The following MOSMO variants were observed in gnomAD, a reference collection of about 807,000 sequenced individuals.
The protein encoded by MOSMO is modulator of smoothened, also known as modulator of smoothened protein.
A neutral mutation model predicts 18.4 loss-of-function variants in MOSMO; 5 were observed. The observed-to-expected ratio is 0.27, with a 90% CI of 0.14 to 0.57. The LOEUF (loss-of-function observed/expected upper bound fraction) is 0.57, where lower values mean the gene tolerates loss of function less well. Ranked by LOEUF, MOSMO falls within the 20% of genes least tolerant of loss-of-function variation. The probability of loss-of-function intolerance (pLI) is 0.92; values close to 1 mark genes in which losing one functional copy is unlikely to be tolerated. For missense variants in MOSMO, 138 were observed against 211.8 expected (o/e 0.65, Z 2.16); for synonymous variants, 82 against 82.3 (o/e 1.00, Z 0.02).
rs1299333469 is a variant in MOSMO at position 22,043,011 on chromosome 16, GGGATA to G, written c.107-32475_107-32471del. Among the ~76,000 whole-genome samples, 151 of 152,246 alleles carry G rather than the reference GGGATA, an allele frequency of 9.9e-4. 3 individuals are homozygous for G. In the East Asian group the frequency reaches 0.026, roughly 26 times the overall value. ...CTTTTTATATCATGCTGCATTTGGT[GGGATA>G]CTGTCCAGCCACTTTTATTTTTATG... On this transcript the variant is annotated intron_variant, in intron 1 of 2. Transcript: ENST00000542527.
rs1901066666 is a variant in MOSMO at position 22,080,931 on chromosome 16, T to A, written c.*51T>A. The A allele has an allele frequency of 3.0e-6, 3 of 989,730 alleles. No homozygotes were observed. Among genetic ancestry groups the A allele is most frequent in the East Asian group, 3.1e-5 (1 of 31,866 alleles). The allele number at this position is 989,730 out of a possible 1,614,324, so 61.3% of individuals were successfully genotyped here. ...ATTATTTTTTATTTTATTTTATTTT[T>A]TTATTTTTGGAGGGTGGAGAGGACA... On this transcript the variant is annotated 3_prime_UTR_variant, in exon 3 of 3. Transcript: ENST00000542527.
chr16:22,048,957 T>C (rs1567508338), intron 1 of MOSMO, among the ~76,000 whole-genome samples: 1 of 152,168 alleles, frequency 6.6e-6, no homozygotes, highest in Admixed American at 6.6e-5. Context: ...CTAGCCCTTT[T>C]TCTCCCCTGA....
chr16:22,061,680 A>C (rs1900647998), intron 1 of MOSMO, among the ~76,000 whole-genome samples: 1 of 152,240 alleles, frequency 6.6e-6, no homozygotes, highest in African/African-American at 2.4e-5. Flanking sequence ...AGACTTGGAC[A>C]GAAAAGTCAG....
At chr16:22,075,963 C>T in intron 2 of MOSMO, 1 of 355,780 alleles carries the variant, frequency 2.8e-6, no homozygotes, top group Non-Finnish European at 5.4e-6. Flanking sequence ...CATAAGTGTT[C>T]CAGGTTTGTG....
intron 1 of MOSMO, among the ~76,000 whole-genome samples, chr16:22,022,664 G>GA (rs1410000878): frequency 1.3e-5 from 2 of 152,114 alleles, no homozygotes; most frequent in East Asian, 3.8e-4. Context: ...ATCATGGACT[G>GA]AATGCACCCC....
intron 1 of MOSMO, among the ~76,000 whole-genome samples, chr16:22,071,707 A>G (rs1342647733): frequency 1.3e-5 from 2 of 151,966 alleles, no homozygotes; most frequent in Admixed American, 6.6e-5. Flanking sequence ...CCTTTTTCCT[A>G]TTGTGTACAA....
rs1901120301 is a variant in MOSMO at position 22,083,590 on chromosome 16, G to C, written c.*2710G>C. The C allele has an allele frequency of 4.6e-6, 2 of 439,444 alleles. No individual in the cohort carries two copies. Among genetic ancestry groups the C allele is most frequent in the Non-Finnish European group, 9.0e-6 (2 of 223,426 alleles). 27.2% of individuals were successfully genotyped at this position (439,444 alleles called of 1,614,324 possible). A position where few individuals can be genotyped will look rare whatever the true frequency, so the allele number is the denominator to read the frequency against. On this transcript the variant is annotated 3_prime_UTR_variant, in exon 3 of 3. Coordinates refer to ENST00000542527, the MANE Select transcript of MOSMO (RefSeq NM_001164579.2). ...TATAGTACAGTATTAATTTATAGCA[G>C]GAAATCGTATCTTGTAAACTGTATA...
At chr16:22,086,765 A>G (rs944136189), downstream of MOSMO, among the ~76,000 whole-genome samples, 6 of 152,246 alleles carry the variant, frequency 3.9e-5, no homozygotes, top group Non-Finnish European at 7.3e-5. Flanking sequence ...GTATAACTAT[A>G]TAAACTCTTG....
chr16:22,063,395 A>G (rs1900688479), intron 1 of MOSMO, among the ~76,000 whole-genome samples: 1 of 152,248 alleles, frequency 6.6e-6, no homozygotes, highest in Admixed American at 6.5e-5. Flanking sequence ...CCTGGAGATC[A>G]TAAATGGATC....
intron 1 of MOSMO, among the ~76,000 whole-genome samples, chr16:22,038,942 G>C (rs930282260): frequency 3.9e-5 from 6 of 152,194 alleles, no homozygotes; most frequent in African/African-American, 1.4e-4. Context: ...ACTAAGCATA[G>C]TGCTCTGTAA....
At chr16:22,090,205 C>G (rs1320958250), downstream of MOSMO, 1 of 152,214 alleles carries the variant, frequency 6.6e-6, no homozygotes, top group Non-Finnish European at 1.5e-5. Context: ...CTGGCAGCCA[C>G]ACCTGAAGAG....
At chr16:22,057,793 C>T (rs907707548) in intron 1 of MOSMO, among the ~76,000 whole-genome samples, 4 of 152,080 alleles carry the variant, frequency 2.6e-5, no homozygotes, top group African/African-American at 9.7e-5. Flanking sequence ...CGAGGGAAGT[C>T]CTCCCTAGGA....
chr16:22,040,413 A>G (rs1444469293), intron 1 of MOSMO, among the ~76,000 whole-genome samples: 1 of 152,224 alleles, frequency 6.6e-6, no homozygotes, highest in Non-Finnish European at 1.5e-5. Flanking sequence ...ACTTAAAAGT[A>G]TTTTAAAAAT....
At chr16:22,076,822 T>G (rs1164365263) in intron 2 of MOSMO, among the ~76,000 whole-genome samples, 1 of 152,228 alleles carries the variant, frequency 6.6e-6, no homozygotes, top group Non-Finnish European at 1.5e-5. Context: ...ATTGATACTC[T>G]TTAATGTGTA....
At chr16:22,086,643 A>G (rs1028638620), downstream of MOSMO, among the ~76,000 whole-genome samples, 2 of 152,294 alleles carry the variant, frequency 1.3e-5, no homozygotes, top group East Asian at 3.9e-4. Context: ...GAATGGGACT[A>G]ATAATATTAC....
At chr16:22,034,041 C>T (rs1051613822) in intron 1 of MOSMO, among the ~76,000 whole-genome samples, 2 of 152,158 alleles carry the variant, frequency 1.3e-5, no homozygotes, top group Non-Finnish European at 2.9e-5. Flanking sequence ...TCACGGACCA[C>T]GGGGACACTC....
In MOSMO at chr16:22,083,849, C is replaced by T. The variant is rs757098650; in HGVS notation, c.*2969C>T. 23 of 354,420 alleles carry T rather than the reference C, an allele frequency of 6.5e-5. No individual in the cohort carries two copies. The highest frequency in any genetic ancestry group is 1.0e-4 in the Non-Finnish European group (19 of 184,494). 22.0% of individuals were successfully genotyped at this position (354,420 alleles called of 1,614,324 possible). On this transcript the variant is annotated 3_prime_UTR_variant, in exon 3 of 3. Transcript: ENST00000542527. Reference sequence around the variant, plus strand: ...TTCAATTTATTAAAAGCAAACATTTCAGTATGATTCTTTCCAAAGGTAATC... The same window carrying T: ...TTCAATTTATTAAAAGCAAACATTTTAGTATGATTCTTTCCAAAGGTAATC...
At chr16:22,024,992 T>A (rs1252023733) in intron 1 of MOSMO, among the ~76,000 whole-genome samples, 2 of 145,296 alleles carry the variant, frequency 1.4e-5, no homozygotes, top group African/African-American at 2.5e-5. Flanking sequence ...TCTACAAACA[T>A]TTTTTTTTTT....
chr16:22,045,970 G>A (rs532388191), intron 1 of MOSMO, among the ~76,000 whole-genome samples: 11 of 151,714 alleles, frequency 7.3e-5, no homozygotes, highest in Admixed American at 2.0e-4. Context: ...GTGGTGTGCC[G>A]CACCCAGTAA....
Sources: gnomAD v4.1 joint callset for allele counts (sites outside exome capture counted in the v4.1 genomes callset) on GRCh38, gnomAD v4.1.1 for gene constraint, MANE v1.5 for transcripts, NCBI Gene and HGNC (gene_info 2026-07-23, HGNC 2026-07-21) for gene names.